HINFP: variants seen among roughly 807,000 people sequenced by gnomAD.
The protein encoded by HINFP is histone H4 transcription factor.
In HINFP, 20 loss-of-function variants were observed where a neutral mutation model predicts 50.1. The observed-to-expected ratio is 0.40, with a 90% CI of 0.28 to 0.58. HINFP has a LOEUF of 0.58. HINFP is among the 20% of genes least tolerant of loss of function. HINFP has a pLI of 0.45. For synonymous variants in HINFP, 247 were observed against 243.7 expected (o/e 1.01, Z -0.13); for missense variants, 505 against 664.1 (o/e 0.76, Z 2.63).
rs200152500 is a variant in HINFP, at chr11:119,132,790, G to A, written c.875+9G>A. 39 of 1,613,354 alleles carry A rather than the reference G, an allele frequency of 2.4e-5. No individual in the cohort carries two copies. The highest frequency in any genetic ancestry group is 5.9e-6 in the Non-Finnish European group (7 of 1,180,042). On this transcript the variant is annotated intron_variant, in intron 7 of 9. Transcript: ENST00000350777. ...GACTGTTGTGACTACAGGTAAGGGG[G>A]ACCAGGGACCAGAAAACAGCTCATG...
rs1947768479 is a variant in HINFP, at chr11:119,131,689, G to A, written c.523+43G>A. ...CTTGTGGCTTCTGGAGGAAACGCTGGGGTTCCTGAAGAGCTGGGACAGAAA... is the reference window on the plus strand; with the variant it reads ...CTTGTGGCTTCTGGAGGAAACGCTGAGGTTCCTGAAGAGCTGGGACAGAAA... On this transcript the variant is annotated intron_variant, in intron 4 of 9. Transcript: ENST00000350777. The surrounding 1 kb of genome is among the most constrained non-coding windows in gnomAD (Gnocchi z 4.2). The A allele has an allele frequency of 6.3e-7, 1 of 1,588,898 alleles. No homozygotes were observed. Among genetic ancestry groups the A allele is most frequent in the Admixed American group, 1.7e-5 (1 of 59,966 alleles).
chr11:119,124,581 TG>T (rs1565787674), intron 1 of HINFP: 1 of 152,086 alleles, frequency 6.6e-6, no homozygotes, highest in Non-Finnish European at 1.5e-5. Context: ...ACAACTGGGG[TG>T]CTGAGTTAAA....
intron 3 of HINFP, 27 bp downstream of exon 3, chr11:119,130,981 G>A (rs1340359802): frequency 3.8e-6 from 6 of 1,588,540 alleles, no homozygotes; most frequent in Admixed American, 1.7e-5. Context: ...AGTAATTGGG[G>A]TGGAAGGAAG....
Position 119,130,899 on chromosome 11 carries a change from G to T in HINFP, c.356G>T (p.Arg119Leu). 6.2e-7 allele frequency: 1 copy of T among 1,614,218 alleles called. No individual in the cohort carries two copies. Among genetic ancestry groups the T allele is most frequent in the Non-Finnish European group, 8.5e-7 (1 of 1,180,032 alleles). ...CCCTGCATCCTGGACTTCCAGAGCCGGAACGTCATCCCTGATATCCCTGAC... is the reference window on the plus strand; with the variant it reads ...CCCTGCATCCTGGACTTCCAGAGCCTGAACGTCATCCCTGATATCCCTGAC... Reference protein sequence around the residue: ...LGPCILDFQSRNVIPDIPDHF... With the variant: ...LGPCILDFQSLNVIPDIPDHF... Residue 119 changes from arginine (R) to leucine (L), a missense_variant, in exon 3 of 10, where the codon CGG becomes CTG. Coordinates refer to ENST00000350777, the MANE Select transcript of HINFP (RefSeq NM_198971.3).
rs1592293680 is a variant in HINFP, at chr11:119,135,142, T to A, written c.*644T>A. 6.6e-6 allele frequency: 1 copy of A among 152,660 alleles called. No individual in the cohort carries two copies. The highest frequency in any genetic ancestry group is 2.4e-5 in the African/African-American group (1 of 41,468). The allele number at this position is 152,660 out of a possible 1,614,324, so 9.5% of individuals were successfully genotyped here. A position where few individuals can be genotyped will look rare whatever the true frequency, so the allele number is the denominator to read the frequency against. On this transcript the variant is annotated 3_prime_UTR_variant, in exon 10 of 10. Coordinates refer to ENST00000350777, the MANE Select transcript of HINFP (RefSeq NM_198971.3). Reference sequence around the variant, plus strand: ...AGAGGAGCTGAATAGTTAGGCTTGTTCCCCTTCTGGTGACTCAGGTGGTTT... The same window carrying A: ...AGAGGAGCTGAATAGTTAGGCTTGTACCCCTTCTGGTGACTCAGGTGGTTT...
intron 1 of HINFP, among the ~76,000 whole-genome samples, chr11:119,122,566 T>C (rs1160899163): frequency 3.3e-5 from 5 of 152,188 alleles, no homozygotes; most frequent in Non-Finnish European, 2.9e-5. Context: ...TTAGGAAGGC[T>C]TCCCGGAATG....
At chr11:119,128,809 C>G (rs982116271) in intron 2 of HINFP, among the ~76,000 whole-genome samples, 3 of 151,990 alleles carry the variant, frequency 2.0e-5, no homozygotes, top group Admixed American at 2.0e-4. Flanking sequence ...AGCAATTCTA[C>G]TGCCTCAGCC....
intron 5 of HINFP, 67 bp from the exon 6 acceptor site, chr11:119,132,429 C>T: frequency 6.5e-7 from 1 of 1,538,610 alleles, no homozygotes; most frequent in Non-Finnish European, 9.0e-7. Context: ...GGGATGGTTC[C>T]CCTCTCCTTT....
chr11:119,127,794 G>A (rs2135044816), intron 2 of HINFP, among the ~76,000 whole-genome samples: 2 of 151,492 alleles, frequency 1.3e-5, no homozygotes, highest in Admixed American at 1.3e-4. Flanking sequence ...TCCTACCTTA[G>A]CCTCCTAAGT....
In HINFP at chr11:119,130,786, C is replaced by T. The variant is rs1745704326; in HGVS notation, c.243C>T (p.Asp81=). The change falls in exon 3 of 10, where the codon GAC becomes GAT. Residue 81 remains aspartate, a synonymous_variant. Coordinates refer to ENST00000350777, the MANE Select transcript of HINFP (RefSeq NM_198971.3). ...TTTGTTCTCTGGACAGTTCTGCTGA[C>T]CTCATCCGCCATGTCTACTTCCACT... The part of the protein sequence containing the change: ...CGFCSLDSSA[D]LIRHVYFHCY... The T allele has an allele frequency of 1.9e-6, 3 of 1,614,110 alleles. No homozygotes were observed. Among genetic ancestry groups the T allele is most frequent in the South Asian group, 1.1e-5 (1 of 91,090 alleles).
At chr11:119,133,776 A>G (rs187001363) in intron 9 of HINFP, 2 of 487,474 alleles carry the variant, frequency 4.1e-6, no homozygotes, top group East Asian at 3.4e-5. Context: ...GCTAGAGTCT[A>G]AGGGTTCTGA....
chr11:119,133,065 G>C (rs1474496006), intron 8 of HINFP, 30 bp from the exon 9 acceptor site: 1 of 1,614,176 alleles, frequency 6.2e-7, no homozygotes, highest in Non-Finnish European at 8.5e-7. Context: ...GTGAAGAGCT[G>C]GTCTCATTTC....
intron 2 of HINFP, 25 bp from the exon 3 acceptor site, chr11:119,130,700 C>G (rs756079564): frequency 6.2e-7 from 1 of 1,605,294 alleles, no homozygotes; most frequent in South Asian, 1.1e-5. Flanking sequence ...GTGTCAGACT[C>G]TTCCTTTTAA....
intron 8 of HINFP, 45 bp from the exon 9 acceptor site, chr11:119,133,050 C>T: frequency 6.2e-7 from 1 of 1,614,128 alleles, no homozygotes; most frequent in African/African-American, 1.3e-5. Context: ...ATGGGGGACC[C>T]TGGGGTGAAG....
intron 1 of HINFP, chr11:119,124,963 C>G (rs894538591): frequency 4.0e-5 from 6 of 150,758 alleles, no homozygotes; most frequent in African/African-American, 9.8e-5. Flanking sequence ...CAGCGAGACT[C>G]TGTCTCAAAA....
In HINFP at chr11:119,132,690, A is replaced by G; in HGVS notation, c.784A>G (p.Met262Val). ...TCACTATAAGTGCCCTCTGTGTGAC[A>G]TGACCTGCCCGCTGCCTTCCTCCCT... ...VNHYKCPLCD[M>V]TCPLPSSLRN... is the part of the protein sequence containing the mutation. Residue 262 changes from methionine (M) to valine (V), a missense_variant, in exon 7 of 10, where the codon ATG becomes GTG. Transcript: ENST00000350777. 1 of 1,614,026 alleles carries G rather than the reference A, an allele frequency of 6.2e-7. No homozygotes were observed. Among genetic ancestry groups the G allele is most frequent in the East Asian group, 2.2e-5 (1 of 44,876 alleles).
chr11:119,127,385 C>G (rs1947466985), intron 2 of HINFP: 1 of 305,168 alleles, frequency 3.3e-6, no homozygotes. Flanking sequence ...ATCTCTCTGC[C>G]TGTGTTTACA....
chr11:119,133,287 A>C (rs1009930296), intron 9 of HINFP, 68 bp downstream of exon 9: 6 of 1,593,424 alleles, frequency 3.8e-6, no homozygotes, highest in Non-Finnish European at 5.1e-6. Flanking sequence ...CAGTTTTAAA[A>C]ACCTTAATTT....
chr11:119,125,108 G>A (rs565010527), intron 1 of HINFP: 296 of 132,908 alleles, frequency 2.2e-3, no homozygotes, highest in Non-Finnish European at 3.6e-3. Flanking sequence ...GCACGATCTC[G>A]GCTCATTGCA....
Sources: allele counts gnomAD v4.1 joint callset (sites outside exome capture counted in the v4.1 genomes callset), GRCh38; gene constraint gnomAD v4.1.1; non-coding constraint Gnocchi (gnomAD v3.1); transcripts MANE v1.5; gene names NCBI Gene and HGNC (gene_info 2026-07-23, HGNC 2026-07-21).